Variants in HS6ST3 observed in about 807,000 individuals in gnomAD.
The protein encoded by HS6ST3 is heparan-sulfate 6-O-sulfotransferase 3.
Under a neutral mutation model 36.7 loss-of-function variants are expected in HS6ST3, and 12 were observed. That is an observed-to-expected ratio of 0.33 (90% CI 0.21 to 0.53). The LOEUF is 0.53. Among genes scored for constraint, HS6ST3 ranks in the 20% least tolerant of loss-of-function variants. The pLI is 0.95. For missense variants in HS6ST3, 584 were observed against 640.9 expected, an observed-to-expected ratio of 0.91 and a Z score of 0.96; for synonymous variants, 240 against 257.5, an observed-to-expected ratio of 0.93 and a Z score of 0.65.
At chr13:96,793,977 A>C (rs2138522264) in intron 1 of HS6ST3, among the ~76,000 whole-genome samples, 1 of 152,172 alleles carries the variant, frequency 6.6e-6, no homozygotes, top group African/African-American at 2.4e-5. Flanking sequence ...TAAAGATAAT[A>C]ATGCATTTTA....
intron 1 of HS6ST3, among the ~76,000 whole-genome samples, chr13:96,619,396 G>T (rs1338092814): frequency 6.6e-6 from 1 of 152,054 alleles, no homozygotes; most frequent in Non-Finnish European, 1.5e-5. Flanking sequence ...ACTTTTTTCT[G>T]GTTTAATGAT....
At chr13:96,825,773 G>A (rs753181099) in intron 1 of HS6ST3, among the ~76,000 whole-genome samples, 2 of 152,086 alleles carry the variant, frequency 1.3e-5, no homozygotes, top group Admixed American at 6.6e-5. Context: ...TTAAATGAAC[G>A]TTTAGTGAAA....
intron 1 of HS6ST3, among the ~76,000 whole-genome samples, chr13:96,819,326 AC>A (rs1393181862): frequency 2.0e-5 from 3 of 152,178 alleles, no homozygotes; most frequent in Non-Finnish European, 4.4e-5. Context: ...CTGGAACACT[AC>A]CTACTTAGAA....
At chr13:96,299,152 A>G (rs892970581) in intron 1 of HS6ST3, among the ~76,000 whole-genome samples, 1 of 152,234 alleles carries the variant, frequency 6.6e-6, no homozygotes, top group African/African-American at 2.4e-5. Flanking sequence ...ATTCAAAGAC[A>G]AGAGAGTCGC....
At chr13:96,148,853 G>T (rs1349061220) in intron 1 of HS6ST3, among the ~76,000 whole-genome samples, 2 of 152,116 alleles carry the variant, frequency 1.3e-5, no homozygotes, top group Non-Finnish European at 2.9e-5. Context: ...ATCAATGATG[G>T]CATGAAAAGA....
intron 1 of HS6ST3, among the ~76,000 whole-genome samples, chr13:96,477,727 A>G (rs11616237): frequency 0.068 from 10,294 of 152,004 alleles, 397 homozygotes; most frequent in Middle Eastern, 0.095. Context: ...AAAATCTGCC[A>G]GGTGTGTTGA....
intron 1 of HS6ST3, among the ~76,000 whole-genome samples, chr13:96,150,491 C>T (rs1219868266): frequency 6.6e-6 from 1 of 151,966 alleles, no homozygotes; most frequent in Admixed American, 6.6e-5. Flanking sequence ...TTGTCTGTCT[C>T]CTTTCATATC....
intron 1 of HS6ST3, among the ~76,000 whole-genome samples, chr13:96,653,295 G>A (rs1186327180): frequency 1.3e-5 from 2 of 151,934 alleles, no homozygotes; most frequent in African/African-American, 4.8e-5. Flanking sequence ...GTGTTATGGC[G>A]ATTTGTTGCA....
intron 1 of HS6ST3, among the ~76,000 whole-genome samples, chr13:96,821,676 A>G (rs1399378669): frequency 6.6e-6 from 1 of 152,196 alleles, no homozygotes; most frequent in Non-Finnish European, 1.5e-5. Context: ...TATTGAGGAG[A>G]TGACCTCAGA....
At chr13:96,565,549 T>C (rs2056278066) in intron 1 of HS6ST3, among the ~76,000 whole-genome samples, 1 of 152,060 alleles carries the variant, frequency 6.6e-6, no homozygotes, top group Non-Finnish European at 1.5e-5. Context: ...ATGCAGAAGG[T>C]GGCATGGGAG....
rs1016991471 is a variant in HS6ST3, at chr13:96,636,428, G to A, written c.708-196062G>A. Among the ~76,000 whole-genome samples the A allele has an allele frequency of 9.2e-5, 14 of 152,282 alleles. 2 individuals are homozygous for A. Among genetic ancestry groups the A allele is most frequent in the African/African-American group, 3.4e-4 (14 of 41,574 alleles). ...TGGATGAAGTTGCCCACACAGGGCTGAGAGGAGAATTTGGCTCCAAGTGTG... is the reference window on the plus strand; with the variant it reads ...TGGATGAAGTTGCCCACACAGGGCTAAGAGGAGAATTTGGCTCCAAGTGTG... On this transcript the variant is annotated intron_variant, in intron 1 of 1. Transcript: ENST00000376705.
chr13:96,772,151 A>G (rs1222563843), intron 1 of HS6ST3, among the ~76,000 whole-genome samples: 1 of 152,222 alleles, frequency 6.6e-6, no homozygotes, highest in Non-Finnish European at 1.5e-5. Context: ...TGGAAATCAA[A>G]GTGATACATG....
At chr13:96,570,330 AT>A (rs2056296542) in intron 1 of HS6ST3, among the ~76,000 whole-genome samples, 1 of 152,212 alleles carries the variant, frequency 6.6e-6, no homozygotes, top group African/African-American at 2.4e-5. Flanking sequence ...TATCATTTGT[AT>A]TCCCACACCT....
chr13:96,766,122 A>T (rs1453490521), intron 1 of HS6ST3, among the ~76,000 whole-genome samples: 1 of 152,218 alleles, frequency 6.6e-6, no homozygotes, highest in Non-Finnish European at 1.5e-5. Context: ...AATTGTAGAG[A>T]GTAGAATTTA....
chr13:96,348,291 A>G (rs2139429702), intron 1 of HS6ST3, among the ~76,000 whole-genome samples: 1 of 152,326 alleles, frequency 6.6e-6, no homozygotes, highest in East Asian at 1.9e-4. Flanking sequence ...TTCAAAATTC[A>G]TTAGAGTCAA....
intron 1 of HS6ST3, among the ~76,000 whole-genome samples, chr13:96,296,842 C>T (rs1412195964): frequency 6.6e-6 from 1 of 152,122 alleles, no homozygotes; most frequent in Non-Finnish European, 1.5e-5. Flanking sequence ...CGTCCCTTCT[C>T]TTTATTCTAA....
At chr13:96,544,476 C>A (rs2056189857) in intron 1 of HS6ST3, among the ~76,000 whole-genome samples, 1 of 152,190 alleles carries the variant, frequency 6.6e-6, no homozygotes, top group South Asian at 2.1e-4. Flanking sequence ...GAATTTCAAA[C>A]TAGAACAGTC....
At chr13:96,268,541 G>T (rs1390220582) in intron 1 of HS6ST3, among the ~76,000 whole-genome samples, 1 of 151,848 alleles carries the variant, frequency 6.6e-6, no homozygotes, top group Non-Finnish European at 1.5e-5. Flanking sequence ...TGAGATTTGG[G>T]TGGGGACACA....
intron 1 of HS6ST3, among the ~76,000 whole-genome samples, chr13:96,412,868 CAT>C (rs2055514836): frequency 1.3e-5 from 2 of 150,082 alleles, no homozygotes; most frequent in East Asian, 1.9e-4. Flanking sequence ...TATATAAAAA[CAT>C]ATATAAGCCT....
Sources: gnomAD v4.1 joint callset for allele counts (sites outside exome capture counted in the v4.1 genomes callset) on GRCh38, gnomAD v4.1.1 for gene constraint, MANE v1.5 for transcripts, NCBI Gene and HGNC (gene_info 2026-07-23, HGNC 2026-07-21) for gene names.